Variants in AUTS2 observed in about 807,000 individuals in gnomAD.
AUTS2 encodes the protein autism susceptibility gene 2 protein.
In AUTS2, 17 loss-of-function variants were observed where a neutral mutation model predicts 112.4. The observed-to-expected ratio is 0.15, with a 90% CI of 0.10 to 0.23. The LOEUF is 0.23. Ranked by LOEUF, AUTS2 falls within the 10% of genes least tolerant of loss-of-function variation. The pLI is 1.00. For missense variants in AUTS2, 1,510 were observed against 1,701.6 expected (o/e 0.89, Z 1.98); for synonymous variants, 751 against 702.7 (o/e 1.07, Z -1.09).
intron 2 of AUTS2, among the ~76,000 whole-genome samples, chr7:70,111,808 A>G (rs1367135457): frequency 6.6e-6 from 1 of 152,136 alleles, no homozygotes; most frequent in Non-Finnish European, 1.5e-5. Flanking sequence ...TTTTGAAAGT[A>G]TCACTGTAGA....
At chr7:69,915,037 C>T (rs1190543768) in intron 2 of AUTS2, among the ~76,000 whole-genome samples, 3 of 152,060 alleles carry the variant, frequency 2.0e-5, no homozygotes, top group Non-Finnish European at 4.4e-5. Flanking sequence ...GATAACTCTG[C>T]CCATGATGTG....
intron 6 of AUTS2, among the ~76,000 whole-genome samples, chr7:70,760,151 A>G (rs577704042): frequency 7.9e-5 from 12 of 151,596 alleles, no homozygotes; most frequent in South Asian, 4.2e-4. Flanking sequence ...GACTACAGGC[A>G]CCCGCCACCA....
intron 4 of AUTS2, among the ~76,000 whole-genome samples, chr7:70,395,495 A>G (rs1794039323): frequency 6.6e-6 from 1 of 152,254 alleles, no homozygotes; most frequent in African/African-American, 2.4e-5. Context: ...TATCATTAAT[A>G]GCTCATCCAA....
intron 2 of AUTS2, among the ~76,000 whole-genome samples, chr7:70,070,408 TA>T (rs58320845): frequency 0.054 from 6,956 of 128,394 alleles, 223 homozygotes; most frequent in Non-Finnish European, 0.067. Context: ...CCCCGTCTCT[TA>T]AAAAAAAAAA....
rs201047003 is a variant in AUTS2, at chr7:69,671,486, G to GGTGT, written c.309+71559_309+71562dup. ...AAATGTTTTGGCTGCTGCTGCTGCT[G>GGTGT]GTGTGTGTGTGTGTGTGTGTGTGTG... On this transcript the variant is annotated intron_variant, in intron 1 of 18. Coordinates refer to ENST00000342771, the MANE Select transcript of AUTS2 (RefSeq NM_015570.4). 4.7e-3 allele frequency among the ~76,000 whole-genome samples: 652 copies of GGTGT among 138,610 alleles called. 2 individuals carry two copies. The highest frequency in any genetic ancestry group is 0.015 in the African/African-American group (571 of 37,362). The allele number at this position is 138,610 out of a possible 152,430, so 90.9% of individuals were successfully genotyped here. A position where few individuals can be genotyped will look rare whatever the true frequency, so the allele number is the denominator to read the frequency against.
At chr7:70,511,147 C>G (rs1799167173) in intron 5 of AUTS2, among the ~76,000 whole-genome samples, 1 of 151,916 alleles carries the variant, frequency 6.6e-6, no homozygotes, top group Non-Finnish European at 1.5e-5. Flanking sequence ...CTGCGCTCGG[C>G]CTTTAATTTT....
chr7:70,689,801 TGTC>T (rs1041075339), intron 5 of AUTS2, among the ~76,000 whole-genome samples: 1 of 142,566 alleles, frequency 7.0e-6, no homozygotes. Flanking sequence ...AAAAAAAAGA[TGTC>T]GTTCCCTAGT....
chr7:69,785,031 A>T (rs1021538255), intron 1 of AUTS2, among the ~76,000 whole-genome samples: 3 of 151,052 alleles, frequency 2.0e-5, no homozygotes, highest in Non-Finnish European at 4.4e-5. Context: ...CTATGAAAGG[A>T]AAAAAAAACA....
chr7:69,863,755 A>C (rs1793094654), intron 1 of AUTS2, among the ~76,000 whole-genome samples: 1 of 152,188 alleles, frequency 6.6e-6, no homozygotes, highest in African/African-American at 2.4e-5. Context: ...GCCCTGCCCC[A>C]GAGCTGGGGA....
chr7:70,299,112 A>G (rs760115067), intron 4 of AUTS2, among the ~76,000 whole-genome samples: 4 of 152,220 alleles, frequency 2.6e-5, no homozygotes, highest in Non-Finnish European at 5.9e-5. Flanking sequence ...GTGTTCTATA[A>G]TCATAATTAA....
At chr7:70,784,244 C>T (rs777091591) in intron 15 of AUTS2, 15 of 152,090 alleles carry the variant, frequency 9.9e-5, no homozygotes, top group African/African-American at 3.6e-4. Flanking sequence ...TTTATAGAGT[C>T]GGGTCTTATA....
intron 1 of AUTS2, among the ~76,000 whole-genome samples, chr7:69,627,311 G>A (rs1326373865): frequency 6.6e-6 from 1 of 152,100 alleles, no homozygotes; most frequent in Non-Finnish European, 1.5e-5. Flanking sequence ...GGCCAACATG[G>A]AGAAACCCTG....
chr7:70,528,105 T>TTATTTTTA (rs57847664), intron 5 of AUTS2, among the ~76,000 whole-genome samples: 4 of 112,760 alleles, frequency 3.5e-5, no homozygotes, highest in Non-Finnish European at 7.8e-5. Flanking sequence ...TTTTTTTTTT[T>TTATTTTTA]TTTTTTTTTT....
At chr7:70,484,449 C>T (rs770021033) in intron 5 of AUTS2, among the ~76,000 whole-genome samples, 6 of 152,170 alleles carry the variant, frequency 3.9e-5, no homozygotes, top group Non-Finnish European at 7.3e-5. Context: ...GCTGCAAAGC[C>T]ACCAGGGGAG....
chr7:69,979,213 TA>T (rs1266113118), intron 2 of AUTS2, among the ~76,000 whole-genome samples: 1 of 152,192 alleles, frequency 6.6e-6, no homozygotes, highest in Non-Finnish European at 1.5e-5. Context: ...AGCATGGCCC[TA>T]AGAATCCTTT....
rs1804312223 is a variant in AUTS2, at chr7:70,098,444, T to A, written c.523-19688T>A. On this transcript the variant is annotated intron_variant, in intron 2 of 18. Transcript: ENST00000342771. ...GAGTCCTAGGAGGGGAGAGTGGATA[T>A]GCTTAGACACCACTGCAGAACAATA... Among the ~76,000 whole-genome samples, 7 of 152,328 alleles carry A rather than the reference T, an allele frequency of 4.6e-5. No individual in the cohort carries two copies. In the South Asian group the frequency reaches 1.5e-3, roughly 32 times the overall value.
intron 2 of AUTS2, among the ~76,000 whole-genome samples, chr7:70,086,603 T>C (rs1488646432): frequency 7.2e-6 from 1 of 138,428 alleles, no homozygotes; most frequent in African/African-American, 2.8e-5. Context: ...ATCGCGCCAC[T>C]GGACTCCAGC....
chr7:69,944,876 A>G (rs557444251), intron 2 of AUTS2, among the ~76,000 whole-genome samples: 1 of 152,280 alleles, frequency 6.6e-6, no homozygotes, highest in Non-Finnish European at 1.5e-5. Context: ...TACTTTGATG[A>G]AAGGGTCAGA....
intron 4 of AUTS2, among the ~76,000 whole-genome samples, chr7:70,205,643 C>T (rs944512748): frequency 3.3e-5 from 5 of 152,108 alleles, no homozygotes; most frequent in Non-Finnish European, 7.3e-5. Flanking sequence ...GTATAGCAGA[C>T]TGTACAATCT....
Sources: gnomAD v4.1 joint callset for allele counts (sites outside exome capture counted in the v4.1 genomes callset) on GRCh38, gnomAD v4.1.1 for gene constraint, MANE v1.5 for transcripts, NCBI Gene and HGNC (gene_info 2026-07-23, HGNC 2026-07-21) for gene names.